The following MIPOL1 variants were observed in gnomAD, a reference collection of about 807,000 sequenced individuals.
MIPOL1 encodes the protein mirror-image polydactyly 1.
In MIPOL1, 57 loss-of-function variants were observed where a neutral mutation model predicts 60.9. The observed-to-expected ratio is 0.94, with a 90% CI of 0.76 to 1.17. The LOEUF is 1.17. Ranked by LOEUF, MIPOL1 falls within the 50% of genes most tolerant of loss-of-function variation. The pLI, the probability that MIPOL1 is intolerant of heterozygous loss-of-function variation, is 0.00. For missense variants in MIPOL1, 551 were observed against 511.6 expected (o/e 1.08, Z -0.74); for synonymous variants, 179 against 168.8 (o/e 1.06, Z -0.47).
At chr14:37,512,872 A>G (rs1159419879) in intron 12 of MIPOL1, among the ~76,000 whole-genome samples, 1 of 152,110 alleles carries the variant, frequency 6.6e-6, no homozygotes, top group Admixed American at 6.6e-5. Flanking sequence ...GTGGGAGGAG[A>G]CCTAAAACTT....
In MIPOL1 at chr14:37,308,075, G is replaced by C; in HGVS notation, c.643G>C (p.Glu215Gln). 1 of 1,610,832 alleles carries C rather than the reference G, an allele frequency of 6.2e-7. No homozygotes were observed. Among genetic ancestry groups the C allele is most frequent in the Non-Finnish European group, 8.5e-7 (1 of 1,178,080 alleles). ...SLKVLENINP[E>Q]ENDMTLQELL... ...TTCTAGGCTAGAAAATATTAACCCTGAAGAAAATGACATGGTAAGCCATTC... is the reference window on the plus strand; with the variant it reads ...TTCTAGGCTAGAAAATATTAACCCTCAAGAAAATGACATGGTAAGCCATTC... The change falls in exon 8 of 13, where the codon GAA becomes CAA. Residue 215 changes from glutamate to glutamine, a missense_variant. By Grantham distance (29) the Glu-to-Gln change is conservative (BLOSUM62 2). Coordinates refer to ENST00000684589, the MANE Select transcript of MIPOL1 (RefSeq NM_001388067.1).
chr14:37,255,104 G>A (rs1452188382), intron 3 of MIPOL1, among the ~76,000 whole-genome samples: 1 of 151,720 alleles, frequency 6.6e-6, no homozygotes, highest in East Asian at 1.9e-4. Flanking sequence ...TTTATTTCTG[G>A]TTATGGCCTT....
chr14:37,214,233 A>G (rs1364883035), intron 1 of MIPOL1, among the ~76,000 whole-genome samples: 1 of 152,224 alleles, frequency 6.6e-6, no homozygotes, highest in Non-Finnish European at 1.5e-5. Context: ...AGAAAGAATA[A>G]ATGATAAACC....
intron 1 of MIPOL1, among the ~76,000 whole-genome samples, chr14:37,226,026 C>T (rs1211468934): frequency 6.6e-6 from 1 of 152,180 alleles, no homozygotes; most frequent in Non-Finnish European, 1.5e-5. Context: ...TATTCCAGTT[C>T]CCAACAAGTT....
chr14:37,304,406 C>G (rs1317631085), intron 7 of MIPOL1, among the ~76,000 whole-genome samples: 1 of 151,864 alleles, frequency 6.6e-6, no homozygotes, highest in East Asian at 1.9e-4. Flanking sequence ...CATATACATA[C>G]TCTTATATAC....
chr14:37,413,155 A>G (rs1164665997), intron 10 of MIPOL1, among the ~76,000 whole-genome samples: 1 of 152,138 alleles, frequency 6.6e-6, no homozygotes, highest in Non-Finnish European at 1.5e-5. Context: ...TATTTGTACC[A>G]TGTATAAAAG....
At chr14:37,266,853 T>A in intron 3 of MIPOL1, 85 bp from the exon 4 acceptor site, 1 of 917,904 alleles carries the variant, frequency 1.1e-6, no homozygotes, top group Non-Finnish European at 1.7e-6. Context: ...AAAGAGTGTT[T>A]CCAAAAATAT....
chr14:37,429,866 T>A (rs2094029550), intron 11 of MIPOL1, among the ~76,000 whole-genome samples: 1 of 152,116 alleles, frequency 6.6e-6, no homozygotes, highest in Non-Finnish European at 1.5e-5. Flanking sequence ...AGTGATAGTT[T>A]TTTATTGGAC....
intron 11 of MIPOL1, among the ~76,000 whole-genome samples, chr14:37,444,808 G>C (rs2094306716): frequency 6.6e-6 from 1 of 152,098 alleles, no homozygotes; most frequent in African/African-American, 2.4e-5. Flanking sequence ...CATATAAACA[G>C]AACCAAAGAC....
chr14:37,531,271 G>A (rs988201171), intron 12 of MIPOL1, among the ~76,000 whole-genome samples: 1 of 151,982 alleles, frequency 6.6e-6, no homozygotes, highest in Non-Finnish European at 1.5e-5. Flanking sequence ...CCTTGTACCT[G>A]TGCTTCATCT....
At chr14:37,302,607 C>A (rs924616318) in intron 7 of MIPOL1, among the ~76,000 whole-genome samples, 2 of 145,148 alleles carry the variant, frequency 1.4e-5, no homozygotes, top group African/African-American at 2.5e-5. Flanking sequence ...TTTGATAACA[C>A]TTAAATTTTG....
intron 10 of MIPOL1, among the ~76,000 whole-genome samples, chr14:37,405,522 G>T (rs1289094573): frequency 6.6e-6 from 1 of 152,108 alleles, no homozygotes; most frequent in Admixed American, 6.6e-5. Context: ...ACGTTAAAAT[G>T]TGGTTTGGTC....
chr14:37,309,604 C>CTG (rs1168871589), intron 9 of MIPOL1, among the ~76,000 whole-genome samples: 1 of 151,924 alleles, frequency 6.6e-6, no homozygotes, highest in Non-Finnish European at 1.5e-5. Flanking sequence ...CCTGGTCATT[C>CTG]TGAGTCTCAA....
intron 10 of MIPOL1, among the ~76,000 whole-genome samples, chr14:37,383,017 A>G (rs1955955): frequency 0.99 from 149,997 of 151,796 alleles, 74,134 homozygotes; most frequent in Middle Eastern, 1. Context: ...AAAAAATTTC[A>G]TGTATCTTCA....
In MIPOL1 at chr14:37,550,620, G is replaced by A. The variant is rs948567718; in HGVS notation, c.*3649G>A. Reference sequence around the variant, plus strand: ...TGTTCATGTTTTATTGGAAATGCACGTGGTTTCTTAGGCTTTTAAACAAAT... The same window carrying A: ...TGTTCATGTTTTATTGGAAATGCACATGGTTTCTTAGGCTTTTAAACAAAT... On this transcript the variant is annotated 3_prime_UTR_variant, in exon 13 of 13. Transcript: ENST00000684589. 1 of 152,224 alleles carries A rather than the reference G, an allele frequency of 6.6e-6. No homozygotes were observed. The highest frequency in any genetic ancestry group is 2.4e-5 in the African/African-American group (1 of 41,270). The allele number at this position is 152,224 out of a possible 1,614,324, so 9.4% of individuals were successfully genotyped here.
chr14:37,407,677 A>G (rs1457292428), intron 10 of MIPOL1, among the ~76,000 whole-genome samples: 1 of 152,074 alleles, frequency 6.6e-6, no homozygotes, highest in African/African-American at 2.4e-5. Context: ...ATGAGAGACC[A>G]TTGTTTAGAC....
intron 11 of MIPOL1, among the ~76,000 whole-genome samples, chr14:37,498,196 G>GA (rs1157144772): frequency 6.6e-6 from 1 of 152,028 alleles, no homozygotes; most frequent in African/African-American, 2.4e-5. Context: ...TTGGGGAGGG[G>GA]AAAAAATGGG....
At chr14:37,212,132 A>G (rs1966858433) in intron 1 of MIPOL1, 1 of 152,238 alleles carries the variant, frequency 6.6e-6, no homozygotes, top group Non-Finnish European at 1.5e-5. Context: ...GGTAAGACTC[A>G]GCACATTACC....
chr14:37,512,704 G>T, intron 12 of MIPOL1, among the ~76,000 whole-genome samples: 1 of 151,900 alleles, frequency 6.6e-6, no homozygotes, highest in East Asian at 1.9e-4. Context: ...TTGTTGGACT[G>T]TAAGTGTCAA....
Sources: allele counts gnomAD v4.1 joint callset (sites outside exome capture counted in the v4.1 genomes callset), GRCh38; gene constraint gnomAD v4.1.1; transcripts MANE v1.5; gene names NCBI Gene and HGNC (gene_info 2026-07-23, HGNC 2026-07-21).